The following RGS7 variants were observed in gnomAD, a reference collection of about 807,000 sequenced individuals.
RGS7 encodes the protein regulator of G protein signaling 7.
RGS7 carries 27 observed loss-of-function variants against 81.1 expected under a neutral mutation model. The ratio of observed to expected loss-of-function variants is 0.33; its 90% confidence interval spans 0.25 to 0.46. RGS7 has a LOEUF of 0.46. Ranked by LOEUF, RGS7 falls within the 20% of genes least tolerant of loss-of-function variation. The probability of loss-of-function intolerance (pLI) is 1.00; values close to 1 mark genes in which losing one functional copy is unlikely to be tolerated. For missense variants in RGS7, 396 were observed against 607.4 expected, an observed-to-expected ratio of 0.65 and a Z score of 3.66; for synonymous variants, 208 against 207.7, an observed-to-expected ratio of 1.00 and a Z score of -0.01.
At chr1:241,166,164 C>T (rs2070220020) in intron 2 of RGS7, among the ~76,000 whole-genome samples, 1 of 152,150 alleles carries the variant, frequency 6.6e-6, no homozygotes, top group African/African-American at 2.4e-5. Flanking sequence ...AAAAGCATCT[C>T]TTAATAGATG....
intron 2 of RGS7, among the ~76,000 whole-genome samples, chr1:241,105,183 C>T (rs1340786047): frequency 6.6e-6 from 1 of 152,114 alleles, no homozygotes; most frequent in Non-Finnish European, 1.5e-5. Flanking sequence ...TATGCTCTAT[C>T]TAATGCAGAG....
chr1:240,990,110 G>A (rs1271033254), intron 3 of RGS7, among the ~76,000 whole-genome samples: 2 of 152,160 alleles, frequency 1.3e-5, no homozygotes, highest in Admixed American at 1.3e-4. Context: ...GCAGGGAGGT[G>A]CCCATTCCTG....
At chr1:241,050,743 T>A (rs1364766106) in intron 3 of RGS7, among the ~76,000 whole-genome samples, 1 of 152,190 alleles carries the variant, frequency 6.6e-6, no homozygotes, top group South Asian at 2.1e-4. Context: ...ATTAAAACTG[T>A]TATGATGATC....
intron 9 of RGS7, among the ~76,000 whole-genome samples, chr1:240,833,483 CT>C (rs1369180816): frequency 1.3e-5 from 2 of 152,150 alleles, no homozygotes; most frequent in African/African-American, 2.4e-5. Context: ...TATGGCTCAA[CT>C]TAAAATTTTT....
At chr1:241,115,537 G>A (rs904576713) in intron 2 of RGS7, among the ~76,000 whole-genome samples, 4 of 152,160 alleles carry the variant, frequency 2.6e-5, no homozygotes, top group Admixed American at 1.3e-4. Context: ...AATAGGGGAA[G>A]AAACAATTGT....
rs577190855 is a variant in RGS7, at chr1:241,200,407, C to T, written c.79-101645G>A. Among the ~76,000 whole-genome samples the T allele has an allele frequency of 1.2e-4, 19 of 152,228 alleles. No individual in the cohort carries two copies. In the East Asian group the frequency reaches 1.5e-3, roughly 12 times the overall value. Reference sequence around the variant, plus strand: ...ACTAAACACGTCCATGTAACCAACACCCAGATCAAATTCTTCCCATGATTT... The same window carrying T: ...ACTAAACACGTCCATGTAACCAACATCCAGATCAAATTCTTCCCATGATTT... On this transcript the variant is annotated intron_variant, in intron 2 of 18. Transcript: ENST00000440928.
At chr1:241,249,469 T>C (rs1282141326) in intron 2 of RGS7, among the ~76,000 whole-genome samples, 2 of 152,200 alleles carry the variant, frequency 1.3e-5, no homozygotes, top group Non-Finnish European at 1.5e-5. Context: ...CTGTTTTGCT[T>C]ACTTTACAAT....
intron 6 of RGS7, among the ~76,000 whole-genome samples, chr1:240,924,178 A>T (rs1030190826): frequency 6.6e-6 from 1 of 152,190 alleles, no homozygotes; most frequent in Non-Finnish European, 1.5e-5. Context: ...TAATTATTTT[A>T]TGTCAGCCTA....
At chr1:241,323,287 T>C (rs1042496889) in intron 2 of RGS7, among the ~76,000 whole-genome samples, 3 of 152,236 alleles carry the variant, frequency 2.0e-5, no homozygotes, top group Non-Finnish European at 4.4e-5. Context: ...TACCAATGAA[T>C]GTTGTGACAA....
chr1:240,967,579 G>GA (rs1049128093), intron 4 of RGS7, among the ~76,000 whole-genome samples: 370 of 74,302 alleles, frequency 5.0e-3, no homozygotes, highest in Non-Finnish European at 7.8e-3. Context: ...GGGGGGGGGG[G>GA]GGAAAAGGCT....
At chr1:241,135,990 C>G (rs951063173) in intron 2 of RGS7, among the ~76,000 whole-genome samples, 1 of 149,534 alleles carries the variant, frequency 6.7e-6, no homozygotes, top group African/African-American at 2.5e-5. Context: ...GTTTGTTATT[C>G]TAAGAAAGAC....
chr1:241,247,414 G>T (rs562672925), intron 2 of RGS7, among the ~76,000 whole-genome samples: 1 of 152,124 alleles, frequency 6.6e-6, no homozygotes, highest in Non-Finnish European at 1.5e-5. Context: ...TGATGAAGGG[G>T]GCCTGCCGCT....
chr1:241,301,240 G>C (rs1324804882), intron 2 of RGS7, among the ~76,000 whole-genome samples: 2 of 152,190 alleles, frequency 1.3e-5, no homozygotes, highest in Non-Finnish European at 2.9e-5. Context: ...ATACATGCTA[G>C]AGCAAAGAAA....
intron 9 of RGS7, among the ~76,000 whole-genome samples, chr1:240,863,029 C>T (rs1312510207): frequency 2.0e-5 from 3 of 152,032 alleles, no homozygotes; most frequent in Admixed American, 6.6e-5. Flanking sequence ...ATATAGCTCA[C>T]TGCAACCTCG....
chr1:241,176,308 T>G (rs2071137292), intron 2 of RGS7, among the ~76,000 whole-genome samples: 1 of 152,170 alleles, frequency 6.6e-6, no homozygotes, highest in Non-Finnish European at 1.5e-5. Flanking sequence ...TTAGATATGA[T>G]CAGAGCTGAG....
chr1:240,889,064 T>C (rs1297952791), intron 6 of RGS7, among the ~76,000 whole-genome samples: 1 of 152,090 alleles, frequency 6.6e-6, no homozygotes. Context: ...CAAGCGATTC[T>C]CCTTGCCTCA....
chr1:241,318,325 G>A (rs1312956197), intron 2 of RGS7, among the ~76,000 whole-genome samples: 9 of 152,032 alleles, frequency 5.9e-5, no homozygotes, highest in Admixed American at 3.9e-4. Flanking sequence ...AATCTATCAC[G>A]TAGATGACAT....
intron 2 of RGS7, among the ~76,000 whole-genome samples, chr1:241,185,990 T>C (rs889134244): frequency 2.0e-5 from 3 of 152,104 alleles, no homozygotes; most frequent in Middle Eastern, 3.4e-3. Context: ...ATCAGTAAAA[T>C]TGAAAGCAAG....
At chr1:240,792,390 G>A (rs535322369) in intron 18 of RGS7, among the ~76,000 whole-genome samples, 60 of 152,206 alleles carry the variant, frequency 3.9e-4, no homozygotes, top group Non-Finnish European at 7.8e-4. Flanking sequence ...CTCCTAGCTT[G>A]CCCTCATCTG....
Sources: gnomAD v4.1 joint callset for allele counts (sites outside exome capture counted in the v4.1 genomes callset) on GRCh38, gnomAD v4.1.1 for gene constraint, MANE v1.5 for transcripts, NCBI Gene and HGNC (gene_info 2026-07-23, HGNC 2026-07-21) for gene names.